Variants in CTNNA3 observed in about 807,000 individuals in gnomAD.
CTNNA3 encodes the protein catenin alpha-3.
Under a neutral mutation model 95.7 loss-of-function variants are expected in CTNNA3, and 76 were observed. The observed-to-expected ratio is 0.79, with a 90% CI of 0.66 to 0.96. CTNNA3 has a LOEUF of 0.96. Ranked by LOEUF, CTNNA3 falls within the 40% of genes least tolerant of loss-of-function variation. CTNNA3 has a pLI of 0.00. For synonymous variants in CTNNA3, 431 were observed against 374.4 expected, an observed-to-expected ratio of 1.15 and a Z score of -1.74; for missense variants, 1,191 against 1,089.8, an observed-to-expected ratio of 1.09 and a Z score of -1.31.
At chr10:66,374,301 A>G (rs2092776672) in intron 12 of CTNNA3, among the ~76,000 whole-genome samples, 1 of 152,178 alleles carries the variant, frequency 6.6e-6, no homozygotes, top group Non-Finnish European at 1.5e-5. Flanking sequence ...CAGATAATGG[A>G]GCAATTAATT....
At chr10:67,342,444 C>T (rs561998177) in intron 5 of CTNNA3, among the ~76,000 whole-genome samples, 2 of 152,078 alleles carry the variant, frequency 1.3e-5, no homozygotes, top group East Asian at 1.9e-4. Context: ...TGCAACTTGA[C>T]GTGATCCCAT....
At chr10:66,487,181 A>ATTTTTTTTTTT (rs60547696) in intron 11 of CTNNA3, among the ~76,000 whole-genome samples, 11 of 45,986 alleles carry the variant, frequency 2.4e-4, no homozygotes, top group African/African-American at 8.1e-4. Context: ...AAAAGGGCAG[A>ATTTTTTTTTTT]TTTTTTTTTT....
chr10:66,229,482 T>A (rs934587365), intron 13 of CTNNA3, among the ~76,000 whole-genome samples: 40 of 152,184 alleles, frequency 2.6e-4, no homozygotes, highest in Admixed American at 1.8e-3. Flanking sequence ...GAAGGATAGC[T>A]TTCCTGAGTA....
chr10:66,531,944 A>G (rs1344834813), intron 10 of CTNNA3, among the ~76,000 whole-genome samples: 2 of 152,164 alleles, frequency 1.3e-5, no homozygotes, highest in Non-Finnish European at 2.9e-5. Context: ...AGTGGAAAAA[A>G]ATTGGTACTA....
chr10:66,622,999 T>C (rs1404686264), intron 9 of CTNNA3, among the ~76,000 whole-genome samples: 1 of 152,126 alleles, frequency 6.6e-6, no homozygotes, highest in Non-Finnish European at 1.5e-5. Flanking sequence ...TTAATGTACA[T>C]GGGGATGGCT....
intron 4 of CTNNA3, among the ~76,000 whole-genome samples, chr10:67,524,395 CAAAAAAAAAAA>C (rs200850487): frequency 8.4e-3 from 589 of 70,292 alleles, no homozygotes; most frequent in Non-Finnish European, 0.013. Context: ...GACTCTGTCT[CAAAAAAAAAAA>C]AAAAAAAAAA....
chr10:67,632,548 G>A (rs968955604), intron 2 of CTNNA3, among the ~76,000 whole-genome samples: 25 of 152,210 alleles, frequency 1.6e-4, no homozygotes, highest in African/African-American at 5.8e-4. Context: ...AGAAAAGCAG[G>A]GTGGGGCGAT....
chr10:65,984,646 TCAA>T (rs1359191860), intron 16 of CTNNA3, among the ~76,000 whole-genome samples: 1 of 151,160 alleles, frequency 6.6e-6, no homozygotes, highest in African/African-American at 2.4e-5. Context: ...AGTACCTACT[TCAA>T]GGCAACCTGA....
chr10:66,202,561 G>C (rs370806739), intron 13 of CTNNA3, among the ~76,000 whole-genome samples: 1 of 152,118 alleles, frequency 6.6e-6, no homozygotes, highest in African/African-American at 2.4e-5. Context: ...TCAATTAAAC[G>C]CTTCTGAATG....
intron 7 of CTNNA3, among the ~76,000 whole-genome samples, chr10:66,900,816 C>A (rs1845710235): frequency 6.6e-6 from 1 of 151,934 alleles, no homozygotes; most frequent in South Asian, 2.1e-4. Context: ...AGCAAGAAGA[C>A]AAGATTAGAG....
chr10:65,983,102 A>G (rs1310098188), intron 16 of CTNNA3, among the ~76,000 whole-genome samples: 1 of 151,690 alleles, frequency 6.6e-6, no homozygotes, highest in Non-Finnish European at 1.5e-5. Context: ...TTTAAACATC[A>G]TCTTTTCTTG....
In CTNNA3 at chr10:66,899,208, C is replaced by T. The variant is rs142569947; in HGVS notation, c.1048-123684G>A. Among the ~76,000 whole-genome samples, 1,320 of 152,280 alleles carry T rather than the reference C, an allele frequency of 8.7e-3. 21 individuals are homozygous for T. Among genetic ancestry groups the T allele is most frequent in the African/African-American group, 0.03 (1,243 of 41,560 alleles). The stretch of plus-strand genomic sequence containing the variant: ...CTATTATAGAAAAATACAACAACAA[C>T]TCAAATGTCAGCAAAGATATGGAGA... On this transcript the variant is annotated intron_variant, in intron 7 of 17. Coordinates refer to ENST00000433211, the MANE Select transcript of CTNNA3 (RefSeq NM_013266.4).
At chr10:66,139,501 G>A (rs1453321526) in intron 13 of CTNNA3, among the ~76,000 whole-genome samples, 1 of 152,032 alleles carries the variant, frequency 6.6e-6, no homozygotes, top group Non-Finnish European at 1.5e-5. Context: ...AACACACCCT[G>A]CTAATGACTT....
At chr10:66,348,649 G>A (rs1052933503) in intron 12 of CTNNA3, among the ~76,000 whole-genome samples, 3 of 152,044 alleles carry the variant, frequency 2.0e-5, no homozygotes, top group Non-Finnish European at 4.4e-5. Flanking sequence ...TACAAAAAGA[G>A]ACATACATTT....
intron 11 of CTNNA3, among the ~76,000 whole-genome samples, chr10:66,487,831 T>C (rs1289391762): frequency 6.6e-6 from 1 of 152,222 alleles, no homozygotes; most frequent in Non-Finnish European, 1.5e-5. Context: ...TTAAATTTAC[T>C]TAAGAAATAC....
chr10:67,285,819 G>A (rs1839576847), intron 5 of CTNNA3, among the ~76,000 whole-genome samples: 1 of 152,104 alleles, frequency 6.6e-6, no homozygotes, highest in Non-Finnish European at 1.5e-5. Flanking sequence ...GTATACTTCA[G>A]ATTTCATCAC....
At chr10:67,092,353 A>G (rs571248084) in intron 7 of CTNNA3, among the ~76,000 whole-genome samples, 3 of 151,938 alleles carry the variant, frequency 2.0e-5, no homozygotes, top group African/African-American at 4.8e-5. Context: ...ACACTTACCA[A>G]GCAAACTAGA....
At chr10:67,705,011 A>G (rs1841069033) in intron 1 of CTNNA3, among the ~76,000 whole-genome samples, 1 of 152,236 alleles carries the variant, frequency 6.6e-6, no homozygotes, top group African/African-American at 2.4e-5. Flanking sequence ...TATGCAGCCA[A>G]AAAACACATG....
intron 7 of CTNNA3, among the ~76,000 whole-genome samples, chr10:66,964,137 A>G (rs886163443): frequency 6.6e-6 from 1 of 152,104 alleles, no homozygotes; most frequent in Non-Finnish European, 1.5e-5. Context: ...GGTGTGAGCC[A>G]CCGCACCCAG....
Sources: allele counts gnomAD v4.1 joint callset (sites outside exome capture counted in the v4.1 genomes callset), GRCh38; gene constraint gnomAD v4.1.1; transcripts MANE v1.5; gene names NCBI Gene and HGNC (gene_info 2026-07-23, HGNC 2026-07-21).